GALNT13: variants seen among roughly 807,000 people sequenced by gnomAD.
GALNT13 encodes polypeptide N-acetylgalactosaminyltransferase 13.
Under a neutral mutation model 64.2 loss-of-function variants are expected in GALNT13, and 28 were observed. The observed-to-expected ratio is 0.44, with a 90% CI of 0.32 to 0.60. GALNT13 has a LOEUF of 0.60. GALNT13 is among the 20% of genes least tolerant of loss of function. The probability of loss-of-function intolerance (pLI) is 0.05; values close to 1 mark genes in which losing one functional copy is unlikely to be tolerated. For missense variants in GALNT13, 577 were observed against 669.8 expected (o/e 0.86, Z 1.53); for synonymous variants, 214 against 224.6 (o/e 0.95, Z 0.42).
intron 10 of GALNT13, among the ~76,000 whole-genome samples, chr2:154,396,445 T>TA (rs1355677447): frequency 5.9e-5 from 9 of 152,182 alleles, no homozygotes; most frequent in African/African-American, 2.2e-4. Flanking sequence ...TATTAATATT[T>TA]ACTGTATTTA....
chr2:153,666,890 T>G, the GALNT13 span, among the ~76,000 whole-genome samples: 3 of 152,160 alleles, frequency 2.0e-5, no homozygotes, highest in East Asian at 5.8e-4. Flanking sequence ...CAGGAGAAAG[T>G]TGAAACTCAA....
Position 154,396,061 on chromosome 2 carries a change from C to A in GALNT13, c.1227C>A (p.Pro409=). ...TAAGAGAAAATCTGAAGTGTAAGCC[C>A]TTTTCTTGGTACCTAGAAAACATCT... ...KTLRENLKCK[P]FSWYLENIYP... is the part of the protein sequence containing the mutation. Residue 409 remains proline (P), a synonymous_variant, in exon 10 of 13, where the codon CCC becomes CCA. Transcript: ENST00000392825. 1 of 1,611,210 alleles carries A rather than the reference C, an allele frequency of 6.2e-7. No homozygotes were observed. The highest frequency in any genetic ancestry group is 8.5e-7 in the Non-Finnish European group (1 of 1,178,300).
the GALNT13 span, among the ~76,000 whole-genome samples, chr2:153,811,610 G>A: frequency 6.6e-6 from 1 of 152,154 alleles, no homozygotes; most frequent in African/African-American, 2.4e-5. Flanking sequence ...TACTCTTGTT[G>A]GGACTTGCAA....
intron 2 of GALNT13, among the ~76,000 whole-genome samples, chr2:153,940,783 G>C (rs1691288597): frequency 6.6e-6 from 1 of 152,112 alleles, no homozygotes; most frequent in Non-Finnish European, 1.5e-5. Flanking sequence ...CCTTACACTA[G>C]TTTCCAGGAT....
chr2:153,154,550 A>C, the GALNT13 span, among the ~76,000 whole-genome samples: 1 of 151,954 alleles, frequency 6.6e-6, no homozygotes, highest in Non-Finnish European at 1.5e-5. Flanking sequence ...TCTTGGCTTC[A>C]CTATTGTTGG....
chr2:154,299,455 CTTT>C (rs1188035624), intron 8 of GALNT13, among the ~76,000 whole-genome samples: 5 of 131,518 alleles, frequency 3.8e-5, no homozygotes, highest in Non-Finnish European at 4.9e-5. Flanking sequence ...CAATGAAATA[CTTT>C]TTTTTTTTTT....
chr2:154,119,745 A>AT (rs1466996560), intron 3 of GALNT13, among the ~76,000 whole-genome samples: 2 of 151,726 alleles, frequency 1.3e-5, no homozygotes, highest in East Asian at 1.9e-4. Flanking sequence ...GTTCTGGTGT[A>AT]TTTTTTATCT....
chr2:154,014,007 A>G (rs1398299792), intron 3 of GALNT13, among the ~76,000 whole-genome samples: 1 of 152,178 alleles, frequency 6.6e-6, no homozygotes, highest in Non-Finnish European at 1.5e-5. Flanking sequence ...CTGCATTGCA[A>G]GCGGGAGTGA....
At chr2:153,216,100 T>G in the GALNT13 span, among the ~76,000 whole-genome samples, 1 of 152,026 alleles carries the variant, frequency 6.6e-6, no homozygotes, top group African/African-American at 2.4e-5. Flanking sequence ...TGGTTGGACC[T>G]CTTTCAATGA....
the GALNT13 span, among the ~76,000 whole-genome samples, chr2:153,497,162 T>C: frequency 6.6e-6 from 1 of 152,180 alleles, no homozygotes; most frequent in East Asian, 1.9e-4. Context: ...CCAAAATTTT[T>C]TTCAGACTTA....
intron 3 of GALNT13, among the ~76,000 whole-genome samples, chr2:153,977,305 G>A (rs539724741): frequency 5.3e-5 from 8 of 152,214 alleles, no homozygotes; most frequent in Non-Finnish European, 1.0e-4. Context: ...AGCTAATAAA[G>A]ACATACCTGA....
chr2:154,319,661 A>T (rs1459126547), intron 9 of GALNT13, among the ~76,000 whole-genome samples: 1 of 102,670 alleles, frequency 9.7e-6, no homozygotes, highest in Non-Finnish European at 2.2e-5. Context: ...CAAGACTCTG[A>T]AAAAAAAAAA....
the GALNT13 span, among the ~76,000 whole-genome samples, chr2:153,719,564 T>A: frequency 6.6e-6 from 1 of 152,082 alleles, no homozygotes. Context: ...TTCATCTCAC[T>A]AGGGAGTGCC....
the GALNT13 span, among the ~76,000 whole-genome samples, chr2:153,512,689 A>G: frequency 1.1e-4 from 16 of 152,224 alleles, no homozygotes; most frequent in African/African-American, 3.9e-4. Flanking sequence ...GGCACATATT[A>G]AGAGTATGCA....
chr2:153,178,827 C>T, the GALNT13 span, among the ~76,000 whole-genome samples: 1 of 149,228 alleles, frequency 6.7e-6, no homozygotes. Flanking sequence ...TCTCTGCTGC[C>T]TGGGTTCAAG....
At chr2:153,842,074 A>C in the GALNT13 span, among the ~76,000 whole-genome samples, 1 of 151,772 alleles carries the variant, frequency 6.6e-6, no homozygotes, top group Non-Finnish European at 1.5e-5. Flanking sequence ...TAATGGTAAA[A>C]TAGTTTATTG....
At chr2:153,955,181 T>C (rs575720998) in intron 3 of GALNT13, among the ~76,000 whole-genome samples, 1 of 152,248 alleles carries the variant, frequency 6.6e-6, no homozygotes, top group Non-Finnish European at 1.5e-5. Flanking sequence ...TAGTTAAAAA[T>C]TGAAAGCAAT....
At chr2:154,087,963 C>T (rs2105431633) in intron 3 of GALNT13, among the ~76,000 whole-genome samples, 1 of 152,144 alleles carries the variant, frequency 6.6e-6, no homozygotes, top group South Asian at 2.1e-4. Flanking sequence ...TCTCACTTTC[C>T]AATAATGCTT....
chr2:153,109,948 A>T, the GALNT13 span, among the ~76,000 whole-genome samples: 1 of 152,026 alleles, frequency 6.6e-6, no homozygotes, highest in Non-Finnish European at 1.5e-5. Context: ...GACATCCTAG[A>T]CATCTTATCA....
Sources: allele counts gnomAD v4.1 joint callset (sites outside exome capture counted in the v4.1 genomes callset), GRCh38; gene constraint gnomAD v4.1.1; transcripts MANE v1.5; gene names NCBI Gene and HGNC (gene_info 2026-07-23, HGNC 2026-07-21).